Variants in WDR17 observed in about 807,000 individuals in gnomAD.
WDR17 encodes WD repeat domain 17.
In WDR17, 143 loss-of-function variants were observed where a neutral mutation model predicts 161.7. The ratio of observed to expected loss-of-function variants is 0.88; its 90% CI spans 0.77 to 1.02. The LOEUF (loss-of-function observed/expected upper bound fraction) is 1.02, where lower values mean the gene tolerates loss of function less well. WDR17 is among the 50% of genes least tolerant of loss of function. The probability of loss-of-function intolerance (pLI) is 0.00; values close to 1 mark genes in which losing one functional copy is unlikely to be tolerated. For missense variants in WDR17, 1,469 were observed against 1,520.9 expected (o/e 0.97, Z 0.57); for synonymous variants, 517 against 515.6 (o/e 1.00, Z -0.04).
intron 19 of WDR17, 116 bp downstream of exon 19, chr4:176,160,242 T>G: frequency 4.9e-6 from 6 of 1,216,652 alleles, no homozygotes; most frequent in Non-Finnish European, 6.7e-6. Context: ...AGGGCTTGGC[T>G]TCTGCCCTCC....
chr4:176,157,359 A>G (rs1039474076), intron 18 of WDR17, among the ~76,000 whole-genome samples: 2 of 152,220 alleles, frequency 1.3e-5, no homozygotes, highest in African/African-American at 4.8e-5. Context: ...ACAAGTAAAA[A>G]TCAATCAAAG....
intron 16 of WDR17, 132 bp from the exon 17 acceptor site, chr4:176,151,680 T>C (rs1747134126): frequency 1.3e-6 from 1 of 776,654 alleles, no homozygotes; most frequent in Non-Finnish European, 1.9e-6. Flanking sequence ...CAAGCATTTA[T>C]CTTTTTTTGT....
chr4:176,174,294 A>G (rs1751156621), intron 25 of WDR17, among the ~76,000 whole-genome samples: 1 of 152,164 alleles, frequency 6.6e-6, no homozygotes, highest in South Asian at 2.1e-4. Flanking sequence ...ACGGTATTCC[A>G]GGACTCCCTC....
intron 1 of WDR17, among the ~76,000 whole-genome samples, chr4:176,084,952 A>G (rs78409799): frequency 2.9e-3 from 439 of 151,720 alleles, no homozygotes; most frequent in African/African-American, 9.9e-3. Context: ...CTGTTCCATT[A>G]GTCAGTTTGT....
chr4:176,090,573 T>A (rs1428861428), intron 1 of WDR17, among the ~76,000 whole-genome samples: 1 of 152,214 alleles, frequency 6.6e-6, no homozygotes, highest in Non-Finnish European at 1.5e-5. Flanking sequence ...AAATGGTCTA[T>A]TTCCATTTCT....
In WDR17 at chr4:176,151,778, A is replaced by AT. The variant is rs746111848; in HGVS notation, c.2305-27dup. On this transcript the variant is annotated intron_variant, in intron 16 of 28. Coordinates refer to ENST00000508596, the MANE Select transcript of WDR17 (RefSeq NM_181265.4). ...ACACATACAAAACAAAATATGTCAA[A>AT]TTTTTTTAAATTCTATTTTCTTTTT... The AT allele has an allele frequency of 3.2e-5, 49 of 1,533,616 alleles. No homozygotes were observed. The African/African-American group carries it at 4.4e-4, about 14-fold the overall frequency.
chr4:176,152,582 G>GCGACAGA (rs1747360747), intron 17 of WDR17, among the ~76,000 whole-genome samples: 2 of 128,108 alleles, frequency 1.6e-5, no homozygotes. Flanking sequence ...CTCCAGCCTG[G>GCGACAGA]GTAACTCCAT....
At chr4:176,177,443 G>A (rs771668792) in intron 27 of WDR17, 28 bp from the exon 28 acceptor site, 1 of 1,504,190 alleles carries the variant, frequency 6.6e-7, no homozygotes, top group East Asian at 2.3e-5. Flanking sequence ...TCGACAAAAT[G>A]AAATTTTGAT....
At chr4:176,067,210 A>C (rs1380819037) in intron 1 of WDR17, among the ~76,000 whole-genome samples, 1 of 152,204 alleles carries the variant, frequency 6.6e-6, no homozygotes, top group Non-Finnish European at 1.5e-5. Context: ...GACGTCTGAG[A>C]TAGGTGGTCT....
chr4:176,179,421 A>G (rs1751913497), intron 28 of WDR17, 39 bp from the exon 29 acceptor site: 2 of 1,434,502 alleles, frequency 1.4e-6, no homozygotes, highest in South Asian at 1.7e-5. Flanking sequence ...TTGCAAATTT[A>G]TAATCTCATC....
intron 3 of WDR17, among the ~76,000 whole-genome samples, chr4:176,119,210 T>C (rs1741149886): frequency 6.6e-6 from 1 of 152,162 alleles, no homozygotes; most frequent in Non-Finnish European, 1.5e-5. Context: ...AATGTAAATG[T>C]ACCTTTACAT....
chr4:176,120,326 T>A (rs1048642790), intron 4 of WDR17, among the ~76,000 whole-genome samples: 6 of 140,194 alleles, frequency 4.3e-5, no homozygotes, highest in Non-Finnish European at 7.7e-5. Context: ...ATATAATACA[T>A]TCAACACAGC....
intron 6 of WDR17, among the ~76,000 whole-genome samples, chr4:176,130,300 G>A (rs537669862): frequency 7.2e-6 from 1 of 138,822 alleles, no homozygotes; most frequent in South Asian, 2.4e-4. Context: ...AAATATCAAC[G>A]AAATTTAGTG....
At chr4:176,097,742 T>C (rs28502633) in intron 1 of WDR17, among the ~76,000 whole-genome samples, 5,382 of 143,052 alleles carry the variant, frequency 0.038, 286 homozygotes, top group African/African-American at 0.13. Context: ...CACACACACA[T>C]ACACACACAC....
At chr4:176,102,562 T>G (rs1737987723) in intron 1 of WDR17, among the ~76,000 whole-genome samples, 1 of 152,234 alleles carries the variant, frequency 6.6e-6, no homozygotes, top group South Asian at 2.1e-4. Flanking sequence ...ATAGCAGCTT[T>G]AAGCATAATT....
At position 176,177,100 on chromosome 4, in the gene WDR17, T is replaced by G. The variant is rs1288005602; in HGVS notation, c.3492T>G (p.Ile1164Met). The change falls in exon 27 of 29, where the codon ATT becomes ATG. Residue 1164 changes from isoleucine to methionine, a missense_variant. By Grantham distance (10) the Ile-to-Met change is conservative. Coordinates refer to ENST00000508596, the MANE Select transcript of WDR17 (RefSeq NM_181265.4). ...KRREVSVPLK[I>M]EYLSEELDAW... ...GGGAGGTGTCAGTACCTTTAAAAAT[T>G]GAATATCTTTCTGAGGAATTGGATG... 6.2e-7 allele frequency: 1 copy of G among 1,613,796 alleles called. No individual in the cohort carries two copies. The highest frequency in any genetic ancestry group is 8.5e-7 in the Non-Finnish European group (1 of 1,179,902).
chr4:176,134,981 C>A, intron 7 of WDR17, 127 bp from the exon 8 acceptor site: 1 of 859,478 alleles, frequency 1.2e-6, no homozygotes, highest in African/African-American at 1.7e-5. Flanking sequence ...TTTTTCTTGC[C>A]TATATATTTT....
chr4:176,167,537 T>A (rs1008857991), intron 22 of WDR17, among the ~76,000 whole-genome samples: 2 of 145,550 alleles, frequency 1.4e-5, no homozygotes, highest in African/African-American at 5.1e-5. Context: ...TCCCAGCTAC[T>A]CGGGAGGCTG....
At chr4:176,154,366 A>G (rs1027140654) in intron 17 of WDR17, among the ~76,000 whole-genome samples, 1 of 152,178 alleles carries the variant, frequency 6.6e-6, no homozygotes, top group African/African-American at 2.4e-5. Context: ...CTGTAGTCCC[A>G]GCTACTCAGG....
Sources: gnomAD v4.1 joint callset for allele counts (sites outside exome capture counted in the v4.1 genomes callset) on GRCh38, gnomAD v4.1.1 for gene constraint, MANE v1.5 for transcripts, NCBI Gene and HGNC (gene_info 2026-07-23, HGNC 2026-07-21) for gene names.